Variants in ZNF704 observed in about 807,000 individuals in gnomAD.
ZNF704 encodes zinc finger protein 704, also known as glucocorticoid induced gene 1.
In ZNF704, 10 loss-of-function variants were observed where a neutral mutation model predicts 44.7. The observed-to-expected ratio is 0.22, with a 90% CI of 0.14 to 0.38. ZNF704 has a LOEUF of 0.38. Ranked by LOEUF, ZNF704 falls within the 10% of genes least tolerant of loss-of-function variation. The pLI is 1.00. For synonymous variants in ZNF704, 211 were observed against 207.6 expected, an observed-to-expected ratio of 1.02 and a Z score of -0.14; for missense variants, 390 against 545.5, an observed-to-expected ratio of 0.71 and a Z score of 2.84.
chr8:80,836,613 C>T (rs1457249328), intron 1 of ZNF704, among the ~76,000 whole-genome samples: 1 of 151,830 alleles, frequency 6.6e-6, no homozygotes, highest in Non-Finnish European at 1.5e-5. Flanking sequence ...CCCGTCTCTA[C>T]AAAAAATTAA....
chr8:80,739,119 T>A (rs1806713084), intron 2 of ZNF704, among the ~76,000 whole-genome samples: 1 of 152,222 alleles, frequency 6.6e-6, no homozygotes, highest in African/African-American at 2.4e-5. Flanking sequence ...TTTGGATTGC[T>A]AAAGTAATGG....
intron 2 of ZNF704, among the ~76,000 whole-genome samples, chr8:80,788,297 C>A (rs796771245): frequency 2.0e-5 from 3 of 152,148 alleles, no homozygotes; most frequent in Non-Finnish European, 2.9e-5. Context: ...AAATGCAGAA[C>A]TTTTAACAAC....
chr8:80,715,211 T>A (rs924228102), intron 2 of ZNF704, among the ~76,000 whole-genome samples: 2 of 152,240 alleles, frequency 1.3e-5, no homozygotes, highest in African/African-American at 2.4e-5. Flanking sequence ...CGGACACTAT[T>A]AATGTATAAG....
intron 2 of ZNF704, among the ~76,000 whole-genome samples, chr8:80,725,070 T>TG (rs2131674280): frequency 1.3e-5 from 2 of 152,282 alleles, no homozygotes; most frequent in South Asian, 4.1e-4. Context: ...TCCTAGGACT[T>TG]GAAGAATAAG....
At chr8:80,780,158 G>A (rs1807493250) in intron 2 of ZNF704, among the ~76,000 whole-genome samples, 2 of 152,238 alleles carry the variant, frequency 1.3e-5, no homozygotes, top group Admixed American at 6.5e-5. Context: ...TGAGGGCAAC[G>A]GCAAGTGGCA....
chr8:80,811,829 C>G (rs1586044974), intron 2 of ZNF704, among the ~76,000 whole-genome samples: 1 of 152,316 alleles, frequency 6.6e-6, no homozygotes, highest in African/African-American at 2.4e-5. Context: ...GGCTGCAAAG[C>G]AGAAGGTGAG....
chr8:80,713,882 C>T (rs1393663450), intron 2 of ZNF704, among the ~76,000 whole-genome samples: 1 of 152,198 alleles, frequency 6.6e-6, no homozygotes, highest in Non-Finnish European at 1.5e-5. Context: ...CTTCAGCACC[C>T]CTCAGGCATG....
At chr8:80,862,764 CAAAAAA>C (rs71266094) in intron 1 of ZNF704, among the ~76,000 whole-genome samples, 4 of 13,076 alleles carry the variant, frequency 3.1e-4, no homozygotes, top group African/African-American at 1.0e-3. Flanking sequence ...GACTCCGTCT[CAAAAAA>C]AAAAAAAAAA....
At chr8:80,772,001 T>C (rs1251249686) in intron 2 of ZNF704, among the ~76,000 whole-genome samples, 2 of 152,214 alleles carry the variant, frequency 1.3e-5, no homozygotes, top group Non-Finnish European at 2.9e-5. Flanking sequence ...ACTGATTGAC[T>C]TCCAGTCAAT....
chr8:80,705,789 CCTTG>C (rs1233425936), intron 2 of ZNF704, among the ~76,000 whole-genome samples: 1 of 152,108 alleles, frequency 6.6e-6, no homozygotes, highest in Non-Finnish European at 1.5e-5. Context: ...ATGGCAAAGT[CCTTG>C]CTTGCTTCTT....
Position 80,831,906 on chromosome 8 carries a change from C to A in ZNF704, c.-21-10291G>T, listed in dbSNP as rs73692257. On this transcript the variant is annotated intron_variant, in intron 1 of 8. Coordinates refer to ENST00000327835, the MANE Select transcript of ZNF704 (RefSeq NM_001033723.3). ...GGATTGATTTAAAGAACTTGCTTTC[C>A]GAACACTATAACTTCTATTGCTCAT... Among the ~76,000 whole-genome samples the A allele has an allele frequency of 3.0e-4, 45 of 152,236 alleles. 1 individual carries two copies. Among genetic ancestry groups the A allele is most frequent in the African/African-American group, 1.1e-3 (45 of 41,536 alleles).
chr8:80,804,672 T>C (rs547251183), intron 2 of ZNF704, among the ~76,000 whole-genome samples: 5 of 152,180 alleles, frequency 3.3e-5, no homozygotes, highest in African/African-American at 1.2e-4. Context: ...CATTGGGGCC[T>C]GTCAGAGTGG....
At chr8:80,679,148 C>G (rs1818413130) in intron 4 of ZNF704, among the ~76,000 whole-genome samples, 1 of 152,046 alleles carries the variant, frequency 6.6e-6, no homozygotes, top group South Asian at 2.1e-4. Flanking sequence ...GTTGTTAGCC[C>G]CTGGAGTCCT....
intron 1 of ZNF704, among the ~76,000 whole-genome samples, chr8:80,844,604 A>T (rs923139294): frequency 3.3e-5 from 5 of 152,140 alleles, no homozygotes; most frequent in Non-Finnish European, 5.9e-5. Context: ...TGGCTTTACC[A>T]TTACACTCTG....
chr8:80,667,579 C>A (rs1248310984), intron 5 of ZNF704, among the ~76,000 whole-genome samples: 1 of 152,172 alleles, frequency 6.6e-6, no homozygotes, highest in Non-Finnish European at 1.5e-5. Context: ...TTTGTTAAAC[C>A]TCTTTGTCGC....
chr8:80,688,820 A>G (rs1437738073), intron 3 of ZNF704, among the ~76,000 whole-genome samples: 1 of 152,124 alleles, frequency 6.6e-6, no homozygotes, highest in East Asian at 1.9e-4. Context: ...TTAGCTGGAC[A>G]TGGTGGTGCG....
At chr8:80,702,043 T>C (rs1032601541) in intron 2 of ZNF704, among the ~76,000 whole-genome samples, 3 of 152,216 alleles carry the variant, frequency 2.0e-5, no homozygotes, top group East Asian at 1.9e-4. Context: ...TAGGGATGAA[T>C]AGGTTGAAGA....
chr8:80,826,378 G>C (rs1251992670), intron 1 of ZNF704, among the ~76,000 whole-genome samples: 1 of 152,122 alleles, frequency 6.6e-6, no homozygotes, highest in Admixed American at 6.5e-5. Flanking sequence ...ACTAAACCAG[G>C]AAGAAGTTGA....
At chr8:80,776,090 T>C (rs1429876910) in intron 2 of ZNF704, among the ~76,000 whole-genome samples, 1 of 152,188 alleles carries the variant, frequency 6.6e-6, no homozygotes, top group Non-Finnish European at 1.5e-5. Flanking sequence ...CCATAATTAA[T>C]TCTCTAAGTA....
Sources: allele counts gnomAD v4.1 joint callset (sites outside exome capture counted in the v4.1 genomes callset), GRCh38; gene constraint gnomAD v4.1.1; transcripts MANE v1.5; gene names NCBI Gene and HGNC (gene_info 2026-07-23, HGNC 2026-07-21).